Variants in EFHB observed in about 807,000 individuals in gnomAD.
The protein encoded by EFHB is EF-hand domain-containing family member B.
In EFHB, 91 loss-of-function variants were observed where a neutral mutation model predicts 87.2. The ratio of observed to expected loss-of-function variants is 1.04; its 90% confidence interval spans 0.88 to 1.24. The LOEUF (loss-of-function observed/expected upper bound fraction) is 1.24. EFHB is among the 50% of genes most tolerant of loss of function. The pLI, the probability that EFHB is intolerant of heterozygous loss-of-function variation, is 0.00. For synonymous variants in EFHB, 325 were observed against 333.6 expected (o/e 0.97, Z 0.28); for missense variants, 1,084 against 998.8 (o/e 1.09, Z -1.15).
At chr3:19,937,332 C>T (rs1460571917), upstream of EFHB, among the ~76,000 whole-genome samples, 1 of 151,990 alleles carries the variant, frequency 6.6e-6, no homozygotes, top group Non-Finnish European at 1.5e-5. Context: ...TATTTCCTTC[C>T]ACATGCACAT....
intron 9 of EFHB, among the ~76,000 whole-genome samples, chr3:19,890,734 A>G (rs184327374): frequency 6.6e-6 from 1 of 152,282 alleles, no homozygotes; most frequent in East Asian, 1.9e-4. Context: ...GCCTCTGGAA[A>G]AGAAAGGCAA....
At chr3:19,940,712 A>G in intron 1 of EFHB, 2 of 344,300 alleles carry the variant, frequency 5.8e-6, no homozygotes, top group South Asian at 4.7e-5. Context: ...TCTTGTGCAC[A>G]GCAGAGACAC....
intron 1 of EFHB, among the ~76,000 whole-genome samples, chr3:19,932,075 T>C (rs1434891688): frequency 6.6e-6 from 1 of 152,156 alleles, no homozygotes; most frequent in Non-Finnish European, 1.5e-5. Flanking sequence ...ACACAGAAAC[T>C]CCTGAGTCAT....
chr3:19,943,024 A>T, intron 1 of EFHB: 2 of 314,526 alleles, frequency 6.4e-6, no homozygotes. Flanking sequence ...TGCCAACATT[A>T]TTCACTACCA....
rs2071712033 is a variant in EFHB, at chr3:19,882,748, G to A, written c.2147-17C>T. 1.9e-6 allele frequency: 3 copies of A among 1,603,184 alleles called. No individual in the cohort carries two copies. The highest frequency in any genetic ancestry group is 2.6e-6 in the Non-Finnish European group (3 of 1,173,066). On this transcript the variant is annotated splice_polypyrimidine_tract_variant and intron_variant, in intron 11 of 12. Transcript: ENST00000295824. ...TGGGGTAACCTAGGTCATTGATGAGGGAAGAAAACAGACATTCTAAAACAA... is the reference window on the plus strand; with the variant it reads ...TGGGGTAACCTAGGTCATTGATGAGAGAAGAAAACAGACATTCTAAAACAA...
Position 19,879,906 on chromosome 3 carries a change from A to G in EFHB, c.2329-102T>C, listed in dbSNP as rs957145524. ...AAGACTATGGATATTTTTCCAAAAA[A>G]GTATGTGTGAAAAGTATGTGTGTGT... On this transcript the variant is annotated intron_variant, in intron 12 of 12. Transcript: ENST00000295824. 9.4e-6 allele frequency: 11 copies of G among 1,168,368 alleles called. No homozygotes were observed. The Admixed American group carries it at 1.4e-4, about 15-fold the overall frequency. 72.4% of individuals were successfully genotyped at this position (1,168,368 alleles called of 1,614,324 possible).
At chr3:19,938,523 T>G (rs9810613), upstream of EFHB, among the ~76,000 whole-genome samples, 34,983 of 152,072 alleles carry the variant, frequency 0.23, 4,181 homozygotes, top group Non-Finnish European at 0.25. Flanking sequence ...GGTAGATATA[T>G]GGGTGTTCAC....
chr3:19,905,685 T>C lies in EFHB; in HGVS notation c.1353A>G (p.Pro451=). 6.2e-7 allele frequency: 1 copy of C among 1,613,888 alleles called. No homozygotes were observed. Among genetic ancestry groups the C allele is most frequent in the African/African-American group, 1.3e-5 (1 of 75,052 alleles). ...CTCGTCCATCATTAAAATGTGGTGT[T>C]GGTACTCCATACACACTACACCTAT... The part of the protein sequence containing the change: ...SFHRCSVYGV[P]TPHFNDGRAM... The change falls in exon 6 of 13, where the codon CCA becomes CCG. Residue 451 remains proline (P), a synonymous_variant. Transcript: ENST00000295824.
intron 1 of EFHB, among the ~76,000 whole-genome samples, chr3:19,928,523 C>G (rs1191140035): frequency 1.3e-5 from 2 of 152,230 alleles, no homozygotes; most frequent in Admixed American, 1.3e-4. Context: ...TGGCTCACTG[C>G]AACCTCCGCC....
At chr3:19,911,288 G>T (rs556968976) in intron 5 of EFHB, among the ~76,000 whole-genome samples, 1 of 152,142 alleles carries the variant, frequency 6.6e-6, no homozygotes, top group Non-Finnish European at 1.5e-5. Context: ...AAGGCCAGGC[G>T]TGGTAGCTCA....
chr3:19,879,933 T>C (rs2071630990), intron 12 of EFHB, 129 bp from the exon 13 acceptor site: 8 of 789,010 alleles, frequency 1.0e-5, no homozygotes, highest in Admixed American at 3.3e-5. Context: ...TGTGTGTGTA[T>C]GTATTTGTGT....
Position 19,879,517 on chromosome 3 carries a change from T to G in EFHB, c.*114A>C. ...TTTATTAGCAACACATACAGGCATA[T>G]GAGTCTTACCACTGTGAACTCTAAC... On this transcript the variant is annotated 3_prime_UTR_variant, in exon 13 of 13. Transcript: ENST00000295824. 1.9e-5 allele frequency: 22 copies of G among 1,147,076 alleles called. No individual in the cohort carries two copies. Among genetic ancestry groups the G allele is most frequent in the Non-Finnish European group, 2.0e-5 (17 of 836,452 alleles). 71.1% of individuals were successfully genotyped at this position (1,147,076 alleles called of 1,614,324 possible). A position where few individuals can be genotyped will look rare whatever the true frequency, so the allele number is the denominator to read the frequency against.
chr3:19,881,673 G>A (rs1338926863), intron 12 of EFHB, among the ~76,000 whole-genome samples: 1 of 152,084 alleles, frequency 6.6e-6, no homozygotes, highest in Non-Finnish European at 1.5e-5. Context: ...CTGCGTCCGT[G>A]TGAAAGAATT....
chr3:19,899,289 T>C (rs1195295077), intron 7 of EFHB, 143 bp downstream of exon 7: 5 of 608,044 alleles, frequency 8.2e-6, no homozygotes, highest in Non-Finnish European at 1.3e-5. Context: ...CTATAGATAT[T>C]AACAGATTAA....
upstream of EFHB, chr3:19,936,337 GA>G (rs71055080): frequency 5.6e-3 from 2,497 of 442,890 alleles, no homozygotes; most frequent in East Asian, 0.016. Context: ...GCGACAGACT[GA>G]AAAAAAAAAA....
intron 10 of EFHB, among the ~76,000 whole-genome samples, chr3:19,887,329 G>A (rs1234201804): frequency 6.9e-6 from 1 of 145,576 alleles, no homozygotes; most frequent in African/African-American, 2.6e-5. Flanking sequence ...AGATTGCAGT[G>A]AGCCAAGATC....
At chr3:19,919,809 A>G (rs1695373538) in intron 3 of EFHB, 24 bp downstream of exon 3, 1 of 1,601,138 alleles carries the variant, frequency 6.2e-7, no homozygotes, top group Non-Finnish European at 8.5e-7. Flanking sequence ...AATAATGTAC[A>G]AGGAAAAAAA....
rs4020648 is a variant in EFHB, at chr3:19,886,676, C to CA, written c.1933+1767dup. On this transcript the variant is annotated intron_variant, in intron 10 of 12. Coordinates refer to ENST00000295824, the MANE Select transcript of EFHB (RefSeq NM_144715.4). The stretch of plus-strand genomic sequence containing the variant: ...GGGCAAACAGAGTGAGACACTGTCT[C>CA]AAAAAAAAAAAAAAAAAAAAAAAAA... 6.5e-4 allele frequency among the ~76,000 whole-genome samples: 40 copies of CA among 61,260 alleles called. 3 individuals carry two copies. Among genetic ancestry groups the CA allele is most frequent in the African/African-American group, 1.1e-3 (18 of 15,744 alleles). The allele number at this position is 61,260 out of a possible 152,430, so 40.2% of individuals were successfully genotyped here. A position where few individuals can be genotyped will look rare whatever the true frequency, so the allele number is the denominator to read the frequency against.
At chr3:19,896,649 G>A in intron 9 of EFHB, 38 bp downstream of exon 9, 2 of 1,613,544 alleles carry the variant, frequency 1.2e-6, no homozygotes, top group Non-Finnish European at 8.5e-7. Flanking sequence ...GGATCTGTAA[G>A]CCCATGCATT....
Sources: gnomAD v4.1 joint callset for allele counts (sites outside exome capture counted in the v4.1 genomes callset) on GRCh38, gnomAD v4.1.1 for gene constraint, MANE v1.5 for transcripts, NCBI Gene and HGNC (gene_info 2026-07-23, HGNC 2026-07-21) for gene names.